The following BRIP1 variants were observed in gnomAD, a reference collection of about 807,000 sequenced individuals.
BRIP1 encodes the protein Fanconi anemia group J protein.
A neutral mutation model predicts 119.7 loss-of-function variants in BRIP1; 88 were observed. The ratio of observed to expected loss-of-function variants is 0.74; its 90% CI spans 0.62 to 0.88. The LOEUF (loss-of-function observed/expected upper bound fraction) is 0.88. BRIP1 is among the 40% of genes least tolerant of loss of function. The probability of loss-of-function intolerance (pLI) is 0.00; values close to 1 mark genes in which losing one functional copy is unlikely to be tolerated. For missense variants in BRIP1, 1,259 were observed against 1,455.4 expected (o/e 0.87, Z 2.20); for synonymous variants, 443 against 496.5 (o/e 0.89, Z 1.43).
Position 61,701,388 on chromosome 17 carries a change from C to T in BRIP1, c.2493-7876G>A, listed in dbSNP as rs1424389122. 2.6e-5 allele frequency among the ~76,000 whole-genome samples: 4 copies of T among 152,192 alleles called. No individual in the cohort carries two copies. Among genetic ancestry groups the T allele is most frequent in the Non-Finnish European group, 5.9e-5 (4 of 68,040 alleles). On this transcript the variant is annotated intron_variant, in intron 17 of 19. Transcript: ENST00000259008. The surrounding 1 kb of genome is among the most constrained non-coding windows in gnomAD (Gnocchi z 5.1). ...ACTGCTCGATTAACTTAGTAGTCAG[C>T]TAATAATTAGACAGAGATTTCCTTA... is the stretch of plus-strand genomic sequence containing the variant.
At position 61,755,347 on chromosome 17, in the gene BRIP1, C is replaced by T. The variant is rs2077186549; in HGVS notation, c.2098-10756G>A. 6.6e-6 allele frequency among the ~76,000 whole-genome samples: 1 copy of T among 151,948 alleles called. No individual in the cohort carries two copies. Among genetic ancestry groups the T allele is most frequent in the Non-Finnish European group, 1.5e-5 (1 of 67,970 alleles). ...TGCTGAGGCTGGAGGATCACTTGAG[C>T]CCAGGAGTTCAAGACCAGCCTGGGC... is the stretch of plus-strand genomic sequence containing the variant. On this transcript the variant is annotated intron_variant, in intron 14 of 19. Coordinates refer to ENST00000259008, the MANE Select transcript of BRIP1 (RefSeq NM_032043.3). This position sits in a 1 kb window ranked among gnomAD's most constrained non-coding sequence, Gnocchi z 4.5.
In BRIP1 at chr17:61,788,378, A is replaced by T. The variant is rs1042796404; in HGVS notation, c.1474-3954T>A. 5.7e-4 allele frequency among the ~76,000 whole-genome samples: 87 copies of T among 152,304 alleles called. 1 individual carries two copies. Among genetic ancestry groups the T allele is most frequent in the South Asian group, 4.8e-3 (23 of 4,830 alleles). ...CTTGTCATGAATGGGAAAACTTCATAATGTAAATGCATGAATTCTTTCCAA... is the reference window on the plus strand; with the variant it reads ...CTTGTCATGAATGGGAAAACTTCATTATGTAAATGCATGAATTCTTTCCAA... On this transcript the variant is annotated intron_variant, in intron 10 of 19. Transcript: ENST00000259008.
In BRIP1 at chr17:61,722,288, G is replaced by A. The variant is rs917817489; in HGVS notation, c.2380-6225C>T. On this transcript the variant is annotated intron_variant, in intron 16 of 19. Coordinates refer to ENST00000259008, the MANE Select transcript of BRIP1 (RefSeq NM_032043.3). This position sits in a 1 kb window ranked among gnomAD's most constrained non-coding sequence, Gnocchi z 4.6. ...GATCTCCAGACCTGGTGATCCCTCT[G>A]CCTCGGCTTCCCAAAGGGCTGAGAT... Among the ~76,000 whole-genome samples the A allele has an allele frequency of 7.9e-5, 12 of 151,892 alleles. No individual in the cohort carries two copies. The highest frequency in any genetic ancestry group is 1.9e-4 in the East Asian group (1 of 5,176).
At chr17:61,781,647 G>T (rs1218669917) in intron 11 of BRIP1, among the ~76,000 whole-genome samples, 2 of 152,126 alleles carry the variant, frequency 1.3e-5, no homozygotes, top group Non-Finnish European at 2.9e-5. Context: ...ATGTGGCCAG[G>T]CGCGGTGGTT....
intron 6 of BRIP1, among the ~76,000 whole-genome samples, chr17:61,838,996 T>A (rs746114530): frequency 6.6e-6 from 1 of 152,102 alleles, no homozygotes; most frequent in African/African-American, 2.4e-5. Flanking sequence ...AAAATACTTT[T>A]ATGATTTATA....
chr17:61,712,239 A>G (rs1380491958), intron 17 of BRIP1, among the ~76,000 whole-genome samples: 2 of 151,994 alleles, frequency 1.3e-5, no homozygotes, highest in African/African-American at 4.8e-5. Context: ...TTTTAGATGG[A>G]GTCTCCCTCT....
At position 61,768,737 on chromosome 17, in the gene BRIP1, T is replaced by C. The variant is rs557105996; in HGVS notation, c.2097+7664A>G. On this transcript the variant is annotated intron_variant, in intron 14 of 19. Coordinates refer to ENST00000259008, the MANE Select transcript of BRIP1 (RefSeq NM_032043.3). The surrounding 1 kb of genome is among the most constrained non-coding windows in gnomAD (Gnocchi z 5.0). The stretch of plus-strand genomic sequence containing the variant: ...GCATAAACTTCTCCCCGTTGTGAGA[T>C]AAAAATAAGACTTTACTTCCATGAT... Among the ~76,000 whole-genome samples the C allele has an allele frequency of 6.6e-6, 1 of 152,246 alleles. No individual in the cohort carries two copies. Among genetic ancestry groups the C allele is most frequent in the Non-Finnish European group, 1.5e-5 (1 of 68,024 alleles).
intron 14 of BRIP1, among the ~76,000 whole-genome samples, chr17:61,766,987 AAC>A (rs1273957656): frequency 1.1e-4 from 16 of 152,190 alleles, no homozygotes; most frequent in African/African-American, 3.9e-4. Flanking sequence ...CTTAAATAAC[AAC>A]AGAGTCAAAA....
rs2061475419 is a variant in BRIP1 at position 61,693,367 on chromosome 17, TCAC to T, written c.2575+60_2575+62del. ...TAGTAGAGCTCATGTTATGTGTTTT[TCAC>T]CACAATAAAAATATGAAGATTGTTA... is the stretch of plus-strand genomic sequence containing the variant. On this transcript the variant is annotated intron_variant, in intron 18 of 19. Coordinates refer to ENST00000259008, the MANE Select transcript of BRIP1 (RefSeq NM_032043.3). The surrounding 1 kb of genome is among the most constrained non-coding windows in gnomAD (Gnocchi z 4.2). 4.2e-6 allele frequency: 6 copies of T among 1,420,100 alleles called. No individual in the cohort carries two copies. The East Asian group carries it at 1.4e-4, about 32-fold the overall frequency. 88.0% of individuals were successfully genotyped at this position (1,420,100 alleles called of 1,614,324 possible). A position where few individuals can be genotyped will look rare whatever the true frequency, so the allele number is the denominator to read the frequency against.
chr17:61,733,020 G>C (rs143392947), intron 16 of BRIP1, among the ~76,000 whole-genome samples: 1 of 152,256 alleles, frequency 6.6e-6, no homozygotes, highest in Non-Finnish European at 1.5e-5. Context: ...TGATAGAAGA[G>C]TAATTCAAAA....
At chr17:61,847,844 TC>T (rs1374045578) in intron 5 of BRIP1, among the ~76,000 whole-genome samples, 1 of 152,182 alleles carries the variant, frequency 6.6e-6, no homozygotes, top group Non-Finnish European at 1.5e-5. Context: ...CTATTGATAA[TC>T]TCATTCCCGC....
At chr17:61,707,386 T>A (rs2061706492) in intron 17 of BRIP1, among the ~76,000 whole-genome samples, 1 of 152,136 alleles carries the variant, frequency 6.6e-6, no homozygotes, top group Non-Finnish European at 1.5e-5. Context: ...TAGCTTTTCC[T>A]CCTTTACCTG....
At position 61,680,566 on chromosome 17, in the gene BRIP1, A is replaced by T. The variant is rs1396028547; in HGVS notation, c.*2730T>A. ...GCAATCTCGGCTCACTGCAAGCTCC[A>T]CCTCCCGGGTTCACGCCATTCTCCT... On this transcript the variant is annotated 3_prime_UTR_variant, in exon 20 of 20. Transcript: ENST00000259008. 7.6e-6 allele frequency among the ~76,000 whole-genome samples: 1 copy of T among 131,050 alleles called. No homozygotes were observed. Among genetic ancestry groups the T allele is most frequent in the Non-Finnish European group, 1.6e-5 (1 of 63,686 alleles). 86.0% of individuals were successfully genotyped at this position (131,050 alleles called of 152,430 possible). A position where few individuals can be genotyped will look rare whatever the true frequency, so the allele number is the denominator to read the frequency against.
Position 61,748,920 on chromosome 17 carries a change from G to A in BRIP1, c.2098-4329C>T, listed in dbSNP as rs538609631. On this transcript the variant is annotated intron_variant, in intron 14 of 19. Transcript: ENST00000259008. The surrounding 1 kb of genome is among the most constrained non-coding windows in gnomAD (Gnocchi z 4.7). ...TGGGAGGCCAAGGCGGGCAGATCAC[G>A]AGGTCAGGAGATTGAGACCATCCTG... Among the ~76,000 whole-genome samples the A allele has an allele frequency of 1.3e-5, 2 of 152,238 alleles. No homozygotes were observed. Among genetic ancestry groups the A allele is most frequent in the South Asian group, 2.1e-4 (1 of 4,824 alleles).
rs201711575 is a variant in BRIP1, at chr17:61,707,140, T to TA, written c.2492+8810dup. Reference sequence around the variant, plus strand: ...GTATGTTGAAGGCTTTATTTTGTCTTATAGTTTATTGATAGTTTGGCTCAT... The same window carrying TA: ...GTATGTTGAAGGCTTTATTTTGTCTTAATAGTTTATTGATAGTTTGGCTCAT... On this transcript the variant is annotated intron_variant, in intron 17 of 19. Transcript: ENST00000259008. 8.7e-4 allele frequency among the ~76,000 whole-genome samples: 133 copies of TA among 152,288 alleles called. No homozygotes were observed. In the East Asian group the frequency reaches 0.011, roughly 13 times the overall value.
At position 61,811,839 on chromosome 17, in the gene BRIP1, A is replaced by G. The variant is rs567996762; in HGVS notation, c.628-3082T>C. ...TGGTGGCATGTGCCTCTAGTCCCAG[A>G]TACTCGGGAGGCTGAGGCAGGTGAA... On this transcript the variant is annotated intron_variant, in intron 6 of 19. Transcript: ENST00000259008. Among the ~76,000 whole-genome samples, 40 of 151,908 alleles carry G rather than the reference A, an allele frequency of 2.6e-4. No homozygotes were observed. The South Asian group carries it at 8.1e-3, about 31-fold the overall frequency.
chr17:61,719,008 A>G (rs2061928236), intron 16 of BRIP1, among the ~76,000 whole-genome samples: 1 of 152,216 alleles, frequency 6.6e-6, no homozygotes, highest in Non-Finnish European at 1.5e-5. Flanking sequence ...GTACATGTTC[A>G]GTACAGAAGC....
In BRIP1 at chr17:61,713,327, T is replaced by C. The variant is rs777004925; in HGVS notation, c.2492+2624A>G. Among the ~76,000 whole-genome samples, 57 of 152,056 alleles carry C rather than the reference T, an allele frequency of 3.7e-4. No individual in the cohort carries two copies. Among genetic ancestry groups the C allele is most frequent in the Non-Finnish European group, 2.2e-4 (15 of 68,006 alleles). ...CTTACATTAAAAAAAAAGTTAACTA[T>C]AAAACAGCTTCAGGCAGATCCCTCA... On this transcript the variant is annotated intron_variant, in intron 17 of 19. Transcript: ENST00000259008. This position sits in a 1 kb window ranked among gnomAD's most constrained non-coding sequence, Gnocchi z 4.9.
rs954926080 is a variant in BRIP1 at position 61,806,821 on chromosome 17, C to G, written c.918+1646G>C. On this transcript the variant is annotated intron_variant, in intron 7 of 19. Transcript: ENST00000259008. This position sits in a 1 kb window ranked among gnomAD's most constrained non-coding sequence, Gnocchi z 4.9. The stretch of plus-strand genomic sequence containing the variant: ...CAAGCGATTCTCATGCCTCAGCCTC[C>G]CAAGTAGCTGGGATTACAAGCATGC... Among the ~76,000 whole-genome samples the G allele has an allele frequency of 2.0e-5, 3 of 152,144 alleles. No individual in the cohort carries two copies. The highest frequency in any genetic ancestry group is 2.0e-4 in the Admixed American group (3 of 15,266).
Sources: gnomAD v4.1 joint callset for allele counts (sites outside exome capture counted in the v4.1 genomes callset) on GRCh38, gnomAD v4.1.1 for gene constraint, Gnocchi (gnomAD v3.1) non-coding constraint, MANE v1.5 for transcripts, NCBI Gene and HGNC (gene_info 2026-07-23, HGNC 2026-07-21) for gene names.